The following TNS3 variants were observed in gnomAD, a reference collection of about 807,000 sequenced individuals.
TNS3 encodes tensin 3.
In TNS3, 45 loss-of-function variants were observed where a neutral mutation model predicts 140.9. The observed-to-expected ratio is 0.32, with a 90% CI of 0.25 to 0.41. The LOEUF is 0.41. Ranked by LOEUF, TNS3 falls within the 10% of genes least tolerant of loss-of-function variation. The pLI is 1.00. For missense variants in TNS3, 1,716 were observed against 1,906.7 expected (o/e 0.90, Z 1.86); for synonymous variants, 815 against 788.4 (o/e 1.03, Z -0.56).
At chr7:47,516,004 A>G (rs1317225809) in intron 2 of TNS3, among the ~76,000 whole-genome samples, 4 of 152,224 alleles carry the variant, frequency 2.6e-5, no homozygotes, top group East Asian at 1.9e-4. Context: ...AAATAAGCCA[A>G]AGAAAGAACA....
At chr7:47,504,568 C>T (rs1798344706) in intron 3 of TNS3, among the ~76,000 whole-genome samples, 1 of 152,222 alleles carries the variant, frequency 6.6e-6, no homozygotes, top group South Asian at 2.1e-4. Flanking sequence ...TCATACTTGC[C>T]TGAGCAATCT....
chr7:47,329,286 G>A (rs1225070752), intron 20 of TNS3, among the ~76,000 whole-genome samples: 1 of 152,152 alleles, frequency 6.6e-6, no homozygotes, highest in African/African-American at 2.4e-5. Flanking sequence ...TCAAATGCTG[G>A]TGTGTCACCC....
At chr7:47,444,529 G>A (rs928023610) in intron 4 of TNS3, among the ~76,000 whole-genome samples, 2 of 152,230 alleles carry the variant, frequency 1.3e-5, no homozygotes, top group Admixed American at 6.5e-5. Context: ...ACGTGATGGG[G>A]TAGGAGTGTC....
intron 1 of TNS3, among the ~76,000 whole-genome samples, chr7:47,573,459 C>T (rs902252563): frequency 3.3e-5 from 5 of 152,224 alleles, no homozygotes; most frequent in Admixed American, 6.5e-5. Context: ...CACAGTTCTC[C>T]GAAAGGGTGA....
intron 3 of TNS3, among the ~76,000 whole-genome samples, chr7:47,497,697 AGAG>A (rs1798065256): frequency 2.7e-5 from 4 of 148,408 alleles, no homozygotes; most frequent in Non-Finnish European, 3.0e-5. Flanking sequence ...ACACACACAC[AGAG>A]CAGGAAATGT....
At chr7:47,324,025 T>G (rs1353762345) in intron 20 of TNS3, among the ~76,000 whole-genome samples, 3 of 152,212 alleles carry the variant, frequency 2.0e-5, no homozygotes, top group Non-Finnish European at 2.9e-5. Context: ...TTGGCATGTG[T>G]TATAAAAGGG....
chr7:47,470,102 A>G (rs1796889329), intron 4 of TNS3, among the ~76,000 whole-genome samples: 2 of 152,178 alleles, frequency 1.3e-5, no homozygotes, highest in Non-Finnish European at 2.9e-5. Flanking sequence ...CCCTAGACAA[A>G]TTAACACAGG....
intron 16 of TNS3, among the ~76,000 whole-genome samples, chr7:47,377,130 G>A (rs1791440817): frequency 6.6e-6 from 1 of 152,154 alleles, no homozygotes; most frequent in African/African-American, 2.4e-5. Context: ...GACTCACTTG[G>A]GGCCGTCCAG....
chr7:47,287,706 T>C (rs1223986529), intron 27 of TNS3, among the ~76,000 whole-genome samples: 1 of 152,216 alleles, frequency 6.6e-6, no homozygotes, highest in Non-Finnish European at 1.5e-5. Context: ...TTCCGTGGCT[T>C]GGAATCGCGG....
intron 23 of TNS3, among the ~76,000 whole-genome samples, chr7:47,297,680 C>T (rs1002213225): frequency 3.3e-5 from 5 of 151,992 alleles, no homozygotes; most frequent in Non-Finnish European, 7.4e-5. Context: ...GGGAGGCTGT[C>T]GCAGAACACC....
chr7:47,363,017 AGGG>A (rs1443018586), intron 17 of TNS3, among the ~76,000 whole-genome samples: 25 of 144,104 alleles, frequency 1.7e-4, no homozygotes, highest in African/African-American at 5.5e-4. Flanking sequence ...CACCATCATC[AGGG>A]TCATCACCAT....
At chr7:47,482,553 C>A (rs1302860314) in intron 3 of TNS3, among the ~76,000 whole-genome samples, 1 of 152,180 alleles carries the variant, frequency 6.6e-6, no homozygotes, top group African/African-American at 2.4e-5. Context: ...AACAGCCGGA[C>A]AAGGAGACCC....
At chr7:47,357,143 C>T (rs999694514) in intron 17 of TNS3, among the ~76,000 whole-genome samples, 2 of 152,128 alleles carry the variant, frequency 1.3e-5, no homozygotes, top group Admixed American at 1.3e-4. Context: ...AAACTCATGA[C>T]ATGCTAGAAC....
chr7:47,386,005 A>G (rs1173076570), intron 16 of TNS3, among the ~76,000 whole-genome samples: 1 of 152,250 alleles, frequency 6.6e-6, no homozygotes, highest in African/African-American at 2.4e-5. Flanking sequence ...TCACATTCAC[A>G]CTGACAAAAA....
chr7:47,519,069 G>C (rs565789026), intron 2 of TNS3, among the ~76,000 whole-genome samples: 4 of 152,132 alleles, frequency 2.6e-5, no homozygotes, highest in Non-Finnish European at 5.9e-5. Context: ...GGCCAGCCAG[G>C]CCTCACTGCC....
chr7:47,356,274 T>G (rs1480000805), intron 17 of TNS3, among the ~76,000 whole-genome samples: 1 of 152,220 alleles, frequency 6.6e-6, no homozygotes, highest in Non-Finnish European at 1.5e-5. Flanking sequence ...GCCTCACCTG[T>G]GAAGTCAGAA....
chr7:47,324,100 C>G (rs947963707), intron 20 of TNS3, among the ~76,000 whole-genome samples: 4 of 152,218 alleles, frequency 2.6e-5, no homozygotes, highest in Non-Finnish European at 5.9e-5. Context: ...TCTTTCCCCT[C>G]CTGACCTGGC....
intron 24 of TNS3, among the ~76,000 whole-genome samples, chr7:47,296,041 T>A (rs17172849): frequency 0.073 from 11,102 of 152,082 alleles, 1,325 homozygotes; most frequent in African/African-American, 0.25. Context: ...ACCTGCAATG[T>A]CCCCTCAGTC....
At chr7:47,504,960 G>A (rs1181176102) in intron 3 of TNS3, among the ~76,000 whole-genome samples, 10 of 151,680 alleles carry the variant, frequency 6.6e-5, no homozygotes, top group Admixed American at 5.9e-4. Context: ...TTCAGTGATA[G>A]TTAAGGATTT....
Sources: allele counts gnomAD v4.1 joint callset (sites outside exome capture counted in the v4.1 genomes callset), GRCh38; gene constraint gnomAD v4.1.1; transcripts MANE v1.5; gene names NCBI Gene and HGNC (gene_info 2026-07-23, HGNC 2026-07-21).